COA8: variants seen among roughly 807,000 people sequenced by gnomAD.
COA8 encodes UPF0671 protein C14orf153.
COA8 carries 20 observed loss-of-function variants against 22.0 expected under a neutral mutation model. That is an observed-to-expected ratio of 0.91 (90% CI 0.64 to 1.32). COA8 has a LOEUF of 1.32. Ranked by LOEUF, COA8 falls within the 40% of genes most tolerant of loss-of-function variation. The pLI is 0.00. For synonymous variants in COA8, 105 were observed against 79.9 expected (o/e 1.31, Z -1.68); for missense variants, 266 against 230.0 (o/e 1.16, Z -1.01).
chr14:103,570,658 G>A (rs947278575), intron 1 of COA8, among the ~76,000 whole-genome samples: 10 of 152,138 alleles, frequency 6.6e-5, no homozygotes, highest in Admixed American at 2.6e-4. Context: ...GCTTGAACCC[G>A]GGAGGCGGAG....
At chr14:103,563,186 G>C in intron 1 of COA8, 62 bp downstream of exon 1, 1 of 1,498,664 alleles carries the variant, frequency 6.7e-7, no homozygotes, top group South Asian at 1.2e-5. Flanking sequence ...ACAAACCCGG[G>C]CCTCGGGGCC....
rs759052220 is a variant in COA8, at chr14:103,578,836, G to A, written c.385+4666G>A. Reference sequence around the variant, plus strand: ...GTACCCCTGCCTTTGGGATACTCCCGTGGTCACCCTAACAGCAGTGACCAC... The same window carrying A: ...GTACCCCTGCCTTTGGGATACTCCCATGGTCACCCTAACAGCAGTGACCAC... On this transcript the variant is annotated intron_variant, in intron 3 of 4. Transcript: ENST00000409074. Among the ~76,000 whole-genome samples the A allele has an allele frequency of 2.6e-5, 4 of 152,156 alleles. 1 individual carries two copies. The highest frequency in any genetic ancestry group is 3.8e-4 in the East Asian group (2 of 5,198).
intron 4 of COA8, 42 bp from the exon 5 acceptor site, chr14:103,590,139 C>A: frequency 6.4e-7 from 1 of 1,568,922 alleles, no homozygotes; most frequent in Non-Finnish European, 8.8e-7. Context: ...AAGCCTCAGT[C>A]CCTGCCACCG....
In COA8 at chr14:103,590,182, G is replaced by C. The variant is rs2076340070; in HGVS notation, c.478G>C (p.Asp160His). ...NFQKHMYYNRDWYKRNFAITF... is the reference protein window; with the variant it reads ...NFQKHMYYNRHWYKRNFAITF... ...TGTGCATCCTCTGTTTCTCTACAGA[G>C]ATTGGTACAAGCGCAATTTTGCCAT... Residue 160 changes from aspartate (D) to histidine (H), a missense_variant and splice_region_variant, in exon 5 of 5, where the codon GAT (aspartate) becomes CAT (histidine). Asp to His is a moderately conservative substitution (Grantham distance 81, BLOSUM62 -1). Transcript: ENST00000409074. 2 of 1,613,802 alleles carry C rather than the reference G, an allele frequency of 1.2e-6. No homozygotes were observed. The highest frequency in any genetic ancestry group is 8.5e-7 in the Non-Finnish European group (1 of 1,179,842).
At chr14:103,583,118 C>T (rs369319861) in intron 3 of COA8, among the ~76,000 whole-genome samples, 1 of 151,924 alleles carries the variant, frequency 6.6e-6, no homozygotes, top group East Asian at 1.9e-4. Context: ...ATATTCTATA[C>T]GGATATACCA....
At chr14:103,585,485 A>G (rs1238266370) in intron 3 of COA8, among the ~76,000 whole-genome samples, 1 of 151,874 alleles carries the variant, frequency 6.6e-6, no homozygotes, top group Non-Finnish European at 1.5e-5. Flanking sequence ...GTCTCAAAAA[A>G]AAAAAAAAAG....
At chr14:103,567,815 G>A (rs2076146417) in intron 1 of COA8, among the ~76,000 whole-genome samples, 1 of 152,144 alleles carries the variant, frequency 6.6e-6, no homozygotes, top group African/African-American at 2.4e-5. Flanking sequence ...ATTAACGTAT[G>A]TATACAGCAG....
At chr14:103,565,694 C>A (rs1387093940) in intron 1 of COA8, among the ~76,000 whole-genome samples, 1 of 151,320 alleles carries the variant, frequency 6.6e-6, no homozygotes, top group Non-Finnish European at 1.5e-5. Flanking sequence ...CAGCTCACTG[C>A]AACCTCCACC....
At chr14:103,570,379 GTTC>G (rs769196551) in intron 1 of COA8, among the ~76,000 whole-genome samples, 1 of 152,130 alleles carries the variant, frequency 6.6e-6, no homozygotes, top group Non-Finnish European at 1.5e-5. Context: ...CTCCCTGACA[GTTC>G]TTCTTGCCCA....
chr14:103,578,611 C>T (rs959091900), intron 3 of COA8, among the ~76,000 whole-genome samples: 5 of 152,168 alleles, frequency 3.3e-5, no homozygotes, highest in Non-Finnish European at 5.9e-5. Flanking sequence ...GTGGTGAACT[C>T]GGTGTTTTGC....
At chr14:103,573,173 T>C (rs1298848131) in intron 2 of COA8, among the ~76,000 whole-genome samples, 1 of 151,962 alleles carries the variant, frequency 6.6e-6, no homozygotes, top group Non-Finnish European at 1.5e-5. Context: ...ATTTAACTTT[T>C]TTTTTTTTCT....
intron 3 of COA8, 59 bp downstream of exon 3, chr14:103,574,229 A>G: frequency 1.2e-6 from 2 of 1,604,766 alleles, no homozygotes; most frequent in Non-Finnish European, 1.7e-6. Context: ...TAGTCCATGA[A>G]AAGGGAAAGG....
intron 1 of COA8, among the ~76,000 whole-genome samples, chr14:103,568,360 G>A (rs2076150790): frequency 6.6e-6 from 1 of 152,124 alleles, no homozygotes. Flanking sequence ...CTGGCCTGCA[G>A]AGCCAGCATG....
rs1307287622 is a variant in COA8 at position 103,580,480 on chromosome 14, G to GT, written c.385+6316dup. On this transcript the variant is annotated intron_variant, in intron 3 of 4. Transcript: ENST00000409074. ...CTGCCACCATACCCAGCTAATTTTT[G>GT]TTTTTTGTTTTTTGTGGTTTTTTTT... Among the ~76,000 whole-genome samples the GT allele has an allele frequency of 9.4e-5, 14 of 149,672 alleles. No homozygotes were observed. The East Asian group carries it at 2.4e-3, about 25-fold the overall frequency.
chr14:103,563,596 T>G (rs1479191493), intron 1 of COA8, among the ~76,000 whole-genome samples: 1 of 152,210 alleles, frequency 6.6e-6, no homozygotes, highest in Non-Finnish European at 1.5e-5. Flanking sequence ...TGTGGGTATA[T>G]GCATGTTACT....
intron 3 of COA8, among the ~76,000 whole-genome samples, chr14:103,584,188 C>T (rs1178844954): frequency 2.6e-5 from 4 of 152,114 alleles, no homozygotes; most frequent in Non-Finnish European, 5.9e-5. Context: ...CGTGAGCCAC[C>T]GTGCCTGGCC....
At chr14:103,584,757 G>A (rs961801934) in intron 3 of COA8, among the ~76,000 whole-genome samples, 6 of 152,060 alleles carry the variant, frequency 3.9e-5, no homozygotes, top group African/African-American at 7.2e-5. Flanking sequence ...CTGATTTCCC[G>A]TGGTGTTGAG....
At chr14:103,583,083 T>C (rs1305153978) in intron 3 of COA8, among the ~76,000 whole-genome samples, 2 of 152,174 alleles carry the variant, frequency 1.3e-5, no homozygotes, top group Non-Finnish European at 2.9e-5. Context: ...ATTAGCACTT[T>C]GGAGATTTTT....
intron 3 of COA8, 124 bp downstream of exon 3, chr14:103,574,294 C>T: frequency 7.7e-7 from 1 of 1,292,642 alleles, no homozygotes; most frequent in Non-Finnish European, 1.1e-6. Flanking sequence ...TGCTTTGGGG[C>T]AGTGCTCGGC....
Sources: allele counts gnomAD v4.1 joint callset (sites outside exome capture counted in the v4.1 genomes callset), GRCh38; gene constraint gnomAD v4.1.1; transcripts MANE v1.5; gene names NCBI Gene and HGNC (gene_info 2026-07-23, HGNC 2026-07-21).